Variants in ADAMTSL3 observed in about 807,000 individuals in gnomAD.
ADAMTSL3 encodes ADAMTS-like protein 3.
Under a neutral mutation model 201.7 loss-of-function variants are expected in ADAMTSL3, and 128 were observed. The ratio of observed to expected loss-of-function variants is 0.63; its 90% CI spans 0.55 to 0.73. The LOEUF is 0.73. ADAMTSL3 is among the 30% of genes least tolerant of loss of function. The pLI, the probability that ADAMTSL3 is intolerant of heterozygous loss-of-function variation, is 0.00. For missense variants in ADAMTSL3, 1,990 were observed against 2,119.6 expected (o/e 0.94, Z 1.20); for synonymous variants, 738 against 748.4 (o/e 0.99, Z 0.23).
At chr15:83,975,334 C>T (rs1434242794) in intron 20 of ADAMTSL3, among the ~76,000 whole-genome samples, 1 of 152,100 alleles carries the variant, frequency 6.6e-6, no homozygotes, top group East Asian at 1.9e-4. Context: ...GCCTCCTACA[C>T]ACCTCTTGGA....
chr15:83,936,486 G>C (rs575784886), intron 17 of ADAMTSL3, among the ~76,000 whole-genome samples: 2 of 150,832 alleles, frequency 1.3e-5, no homozygotes, highest in African/African-American at 5.0e-5. Context: ...CTTTCATCTT[G>C]ATCAATAAAA....
At chr15:83,713,928 G>A (rs2061965568) in intron 3 of ADAMTSL3, among the ~76,000 whole-genome samples, 1 of 152,150 alleles carries the variant, frequency 6.6e-6, no homozygotes. Context: ...CTCATGCTTG[G>A]AGTTTTAACA....
chr15:83,905,758 A>G (rs2065820060), intron 15 of ADAMTSL3, among the ~76,000 whole-genome samples: 1 of 152,124 alleles, frequency 6.6e-6, no homozygotes, highest in East Asian at 1.9e-4. Context: ...CTGGCGTGGA[A>G]TTTCTGGGCC....
rs2067573358 is a variant in ADAMTSL3, at chr15:83,991,078, G to A, written c.3845-8G>A. The A allele has an allele frequency of 6.2e-7, 1 of 1,613,984 alleles. No individual in the cohort carries two copies. The highest frequency in any genetic ancestry group is 1.3e-5 in the African/African-American group (1 of 74,932). ...CCTAACATAGTTTCCTGCTCCCTTT[G>A]AATTAAGAGGCACCTGTCATCTTGT... On this transcript the variant is annotated splice_polypyrimidine_tract_variant and splice_region_variant and intron_variant, in intron 22 of 29. Coordinates refer to ENST00000286744, the MANE Select transcript of ADAMTSL3 (RefSeq NM_207517.3).
chr15:84,030,260 C>T (rs1415946859), intron 27 of ADAMTSL3, among the ~76,000 whole-genome samples: 1 of 152,142 alleles, frequency 6.6e-6, no homozygotes, highest in African/African-American at 2.4e-5. Context: ...CACTTAACAC[C>T]AGCCCATGAA....
intron 23 of ADAMTSL3, among the ~76,000 whole-genome samples, chr15:84,006,267 G>A (rs1249742435): frequency 3.9e-5 from 6 of 152,146 alleles, no homozygotes; most frequent in Non-Finnish European, 5.9e-5. Context: ...TGATTCCCCA[G>A]AGATAACTGA....
chr15:83,741,007 A>G (rs2062445903), intron 3 of ADAMTSL3, among the ~76,000 whole-genome samples: 1 of 152,092 alleles, frequency 6.6e-6, no homozygotes, highest in East Asian at 1.9e-4. Context: ...AATTGTAACA[A>G]GCATTCAAGA....
At chr15:83,678,729 T>G (rs950360489) in intron 2 of ADAMTSL3, among the ~76,000 whole-genome samples, 52 of 142,662 alleles carry the variant, frequency 3.6e-4, no homozygotes, top group African/African-American at 1.3e-3. Flanking sequence ...AGGCAATATA[T>G]ATATTGCCTA....
chr15:83,858,991 C>G, intron 8 of ADAMTSL3, 151 bp downstream of exon 8: 1 of 628,872 alleles, frequency 1.6e-6, no homozygotes, highest in South Asian at 2.0e-5. Context: ...CGTCCACTTA[C>G]TTGGCACAGC....
At chr15:83,923,364 T>C (rs1348277560) in intron 16 of ADAMTSL3, among the ~76,000 whole-genome samples, 1 of 152,210 alleles carries the variant, frequency 6.6e-6, no homozygotes, top group Non-Finnish European at 1.5e-5. Flanking sequence ...TTATTGTTTT[T>C]CCTAGCAATA....
intron 3 of ADAMTSL3, among the ~76,000 whole-genome samples, chr15:83,768,728 A>G (rs1422547810): frequency 2.6e-5 from 4 of 152,230 alleles, no homozygotes; most frequent in African/African-American, 9.6e-5. Context: ...ATTTTCAGCA[A>G]TGGCCCAAGT....
intron 3 of ADAMTSL3, among the ~76,000 whole-genome samples, chr15:83,718,116 C>A (rs1168152988): frequency 6.6e-6 from 1 of 152,104 alleles, no homozygotes; most frequent in East Asian, 1.9e-4. Context: ...CAAAACCAAA[C>A]CAGGACATAT....
At chr15:83,936,795 A>G (rs2066467788) in intron 17 of ADAMTSL3, among the ~76,000 whole-genome samples, 2 of 151,166 alleles carry the variant, frequency 1.3e-5, no homozygotes, top group South Asian at 2.1e-4. Flanking sequence ...TAGAATCTGT[A>G]AGAAACTTAA....
intron 7 of ADAMTSL3, among the ~76,000 whole-genome samples, chr15:83,848,013 T>A (rs943492514): frequency 2.6e-5 from 4 of 152,012 alleles, no homozygotes; most frequent in Admixed American, 6.6e-5. Flanking sequence ...TCTTATTTTT[T>A]AAAAAAACTA....
chr15:83,948,160 T>A (rs942074851), intron 19 of ADAMTSL3, among the ~76,000 whole-genome samples: 12 of 152,134 alleles, frequency 7.9e-5, no homozygotes, highest in Non-Finnish European at 1.8e-4. Flanking sequence ...AATATGGCAT[T>A]CCCCGATTTT....
At chr15:83,761,098 T>A (rs979490807) in intron 3 of ADAMTSL3, among the ~76,000 whole-genome samples, 1 of 152,126 alleles carries the variant, frequency 6.6e-6, no homozygotes, top group African/African-American at 2.4e-5. Flanking sequence ...TCTTTTCCCA[T>A]ATACATTAAT....
chr15:83,878,597 G>A (rs1051554154), intron 9 of ADAMTSL3, among the ~76,000 whole-genome samples: 3 of 141,262 alleles, frequency 2.1e-5, no homozygotes, highest in Non-Finnish European at 4.5e-5. Context: ...CTGGGTGACA[G>A]AGTGAGACGC....
Position 83,804,644 on chromosome 15 carries a change from C to G in ADAMTSL3, c.318-6C>G. On this transcript the variant is annotated splice_region_variant and splice_polypyrimidine_tract_variant and intron_variant, in intron 4 of 29. Coordinates refer to ENST00000286744, the MANE Select transcript of ADAMTSL3 (RefSeq NM_207517.3). Reference sequence around the variant, plus strand: ...TTTCTTCTTTCTTCTTTCTTTTTTCCTTTAGGAATTGTGAAGGGCAGAACA... The same window carrying G: ...TTTCTTCTTTCTTCTTTCTTTTTTCGTTTAGGAATTGTGAAGGGCAGAACA... 6.8e-7 allele frequency: 1 copy of G among 1,478,384 alleles called. No homozygotes were observed. Among genetic ancestry groups the G allele is most frequent in the Non-Finnish European group, 9.1e-7 (1 of 1,104,790 alleles). 91.6% of individuals were successfully genotyped at this position (1,478,384 alleles called of 1,614,324 possible). A position where few individuals can be genotyped will look rare whatever the true frequency, so the allele number is the denominator to read the frequency against.
intron 17 of ADAMTSL3, among the ~76,000 whole-genome samples, chr15:83,924,831 A>C (rs1324562772): frequency 6.6e-6 from 1 of 152,058 alleles, no homozygotes; most frequent in South Asian, 2.1e-4. Context: ...CTGCGAGAAG[A>C]ATTAGTTGCC....
Sources: allele counts gnomAD v4.1 joint callset (sites outside exome capture counted in the v4.1 genomes callset), GRCh38; gene constraint gnomAD v4.1.1; transcripts MANE v1.5; gene names NCBI Gene and HGNC (gene_info 2026-07-23, HGNC 2026-07-21).